Variants in UNC80 observed in about 807,000 individuals in gnomAD.
UNC80 encodes the protein protein unc-80 homolog.
Under a neutral mutation model 384.6 loss-of-function variants are expected in UNC80, and 164 were observed. That is an observed-to-expected ratio of 0.43 (90% confidence interval 0.38 to 0.49). UNC80 has a LOEUF of 0.49. UNC80 is among the 20% of genes least tolerant of loss of function. The probability of loss-of-function intolerance (pLI) is 0.00; values close to 1 mark genes in which losing one functional copy is unlikely to be tolerated. For synonymous variants in UNC80, 1,486 were observed against 1,527.8 expected, an observed-to-expected ratio of 0.97 and a Z score of 0.64; for missense variants, 3,330 against 4,143.0, an observed-to-expected ratio of 0.80 and a Z score of 5.39.
rs1376600844 is a variant in UNC80 at position 209,775,869 on chromosome 2, TTTTG to T, written c.142-16_142-13del. On this transcript the variant is annotated splice_polypyrimidine_tract_variant and intron_variant, in intron 2 of 64. Transcript: ENST00000673920. ...TTTGGATTTTGGCTTTTCTTATTGTTTTTGTTTTTGTATTTACAGTCCTTTGAGC... is the reference window on the plus strand; with the variant it reads ...TTTGGATTTTGGCTTTTCTTATTGTTTTTTTGTATTTACAGTCCTTTGAGC... 6.2e-7 allele frequency: 1 copy of T among 1,605,196 alleles called. No homozygotes were observed. Among genetic ancestry groups the T allele is most frequent in the South Asian group, 1.1e-5 (1 of 90,146 alleles).
rs566928747 is a variant in UNC80 at position 209,850,166 on chromosome 2, GTGC to G, written c.3627+545_3627+547del. 3.9e-3 allele frequency among the ~76,000 whole-genome samples: 594 copies of G among 152,148 alleles called. 2 individuals are homozygous for G. Among genetic ancestry groups the G allele is most frequent in the Non-Finnish European group, 7.1e-3 (483 of 67,962 alleles). On this transcript the variant is annotated intron_variant, in intron 22 of 64. Coordinates refer to ENST00000673920, the MANE Select transcript of UNC80 (RefSeq NM_001371986.1). ...ATTGCACAAACACTTTGAACATTGT[GTGC>G]TATTATACACGTGTAAAGGATTAAA...
Position 209,976,022 on chromosome 2 carries a change from G to A in UNC80, c.8588-97G>A. On this transcript the variant is annotated intron_variant, in intron 56 of 64. Transcript: ENST00000673920. The surrounding 1 kb of genome is among the most constrained non-coding windows in gnomAD (Gnocchi z 4.3). ...AACATGGAGAGAGCTTAGAAATTTA[G>A]AAAATTTCTAAAGGTGCATAAAGGG... 7.6e-7 allele frequency: 1 copy of A among 1,319,842 alleles called. No individual in the cohort carries two copies. Among genetic ancestry groups the A allele is most frequent in the Non-Finnish European group, 1.0e-6 (1 of 989,812 alleles). The allele number at this position is 1,319,842 out of a possible 1,614,324, so 81.8% of individuals were successfully genotyped here.
intron 4 of UNC80, among the ~76,000 whole-genome samples, chr2:209,780,701 G>A (rs1469363114): frequency 6.6e-6 from 1 of 152,188 alleles, no homozygotes; most frequent in South Asian, 2.1e-4. Context: ...ACAGGTGGGT[G>A]TGTGGGAGGG....
intron 23 of UNC80, among the ~76,000 whole-genome samples, chr2:209,874,854 CT>C (rs935641006): frequency 2.0e-5 from 3 of 152,120 alleles, no homozygotes; most frequent in Non-Finnish European, 4.4e-5. Context: ...AAATAAAACC[CT>C]TCTCCTCAAG....
intron 56 of UNC80, 38 bp downstream of exon 56, chr2:209,973,308 G>A: frequency 6.6e-7 from 1 of 1,514,710 alleles, no homozygotes; most frequent in Non-Finnish European, 9.0e-7. Flanking sequence ...GTTTGTGCAT[G>A]TGTATGTATA....
At chr2:209,868,891 G>T (rs997528977) in intron 22 of UNC80, among the ~76,000 whole-genome samples, 1 of 152,128 alleles carries the variant, frequency 6.6e-6, no homozygotes, top group Non-Finnish European at 1.5e-5. Context: ...TGGAAACTAC[G>T]AAGTTATAAT....
intron 42 of UNC80, among the ~76,000 whole-genome samples, chr2:209,939,067 C>T (rs559514910): frequency 7.2e-5 from 11 of 152,006 alleles, no homozygotes; most frequent in South Asian, 2.1e-4. Context: ...AAGACAAACC[C>T]GGAACTCCCA....
In UNC80 at chr2:209,834,920, C is replaced by T. The variant is rs776433985; in HGVS notation, c.2951C>T (p.Ala984Val). The change falls in exon 18 of 65, where the codon GCG becomes GTG. Residue 984 changes from alanine (A) to valine (V), a missense_variant. Transcript: ENST00000673920. ...SKPAGSKRSE[A>V]GSIVDKGQVS... ...ATGCACCATTTGCATAGGTCAGAGG[C>T]GGGAAGCATTGTGGATAAAGGCCAG... is the stretch of plus-strand genomic sequence containing the variant. The T allele has an allele frequency of 4.2e-5, 65 of 1,549,344 alleles. 1 individual carries two copies. In the South Asian group the frequency reaches 4.4e-4, roughly 10 times the overall value.
intron 29 of UNC80, among the ~76,000 whole-genome samples, chr2:209,907,572 G>A (rs1275241518): frequency 6.6e-6 from 1 of 152,168 alleles, no homozygotes; most frequent in South Asian, 2.1e-4. Context: ...AGCGAGAAGA[G>A]GTGAGTATGA....
At chr2:209,915,108 G>A (rs1260448264) in intron 31 of UNC80, among the ~76,000 whole-genome samples, 1 of 151,616 alleles carries the variant, frequency 6.6e-6, no homozygotes, top group African/African-American at 2.4e-5. Flanking sequence ...GGTGGACGGG[G>A]CTTTAAAGAA....
At chr2:209,913,267 A>G (rs1454100466) in intron 30 of UNC80, among the ~76,000 whole-genome samples, 1 of 152,228 alleles carries the variant, frequency 6.6e-6, no homozygotes, top group Non-Finnish European at 1.5e-5. Context: ...TGACTTGTCT[A>G]GAACCTATAT....
At chr2:209,808,977 C>A in intron 7 of UNC80, 1 of 323,386 alleles carries the variant, frequency 3.1e-6, no homozygotes, top group South Asian at 2.7e-5. Context: ...TCCTGGCGCT[C>A]CAAGCACAAC....
intron 7 of UNC80, chr2:209,808,740 G>T: frequency 6.4e-5 from 3 of 46,730 alleles, no homozygotes; most frequent in Non-Finnish European, 1.1e-4. Flanking sequence ...CCAAGGCTCG[G>T]CCTAGTGAGT....
At chr2:209,975,984 C>T (rs1028313496) in intron 56 of UNC80, 135 bp from the exon 57 acceptor site, 22 of 917,896 alleles carry the variant, frequency 2.4e-5, no homozygotes, top group Admixed American at 1.2e-4. Flanking sequence ...GGAATACATA[C>T]GAAGTTTTTA....
chr2:209,946,503 G>GC (rs1233570600), intron 47 of UNC80, among the ~76,000 whole-genome samples: 9 of 152,190 alleles, frequency 5.9e-5, no homozygotes, highest in Non-Finnish European at 1.3e-4. Flanking sequence ...TTGTGCAGAT[G>GC]CTAAGGTATT....
chr2:209,866,848 C>CG (rs2083874102), intron 22 of UNC80, among the ~76,000 whole-genome samples: 1 of 152,158 alleles, frequency 6.6e-6, no homozygotes, highest in Non-Finnish European at 1.5e-5. Flanking sequence ...TTGTGAACTT[C>CG]ATTCTGTACT....
chr2:209,872,090 C>T lies in UNC80; in HGVS notation c.3628-668C>T, dbSNP rs1436756981. Among the ~76,000 whole-genome samples, 1 of 152,092 alleles carries T rather than the reference C, an allele frequency of 6.6e-6. No homozygotes were observed. The highest frequency in any genetic ancestry group is 2.4e-5 in the African/African-American group (1 of 41,420). ...CGATCTCAGCTAACTGCAACTTACACCTCCCAGGTTCAAGCCTCAGCCTCC... is the reference window on the plus strand; with the variant it reads ...CGATCTCAGCTAACTGCAACTTACATCTCCCAGGTTCAAGCCTCAGCCTCC... On this transcript the variant is annotated intron_variant, in intron 22 of 64. Transcript: ENST00000673920. This position sits in a 1 kb window ranked among gnomAD's most constrained non-coding sequence, Gnocchi z 4.1.
intron 31 of UNC80, 35 bp from the exon 32 acceptor site, chr2:209,917,742 A>G (rs762263313): frequency 1.7e-5 from 26 of 1,549,082 alleles, no homozygotes; most frequent in African/African-American, 1.4e-5. Flanking sequence ...GCAATATTTT[A>G]AAAGCATAGC....
At chr2:209,930,728 G>A (rs1178040676) in intron 37 of UNC80, among the ~76,000 whole-genome samples, 1 of 152,146 alleles carries the variant, frequency 6.6e-6, no homozygotes, top group Non-Finnish European at 1.5e-5. Context: ...AAAGAACAAA[G>A]TCGTTTACTG....
Sources: allele counts gnomAD v4.1 joint callset (sites outside exome capture counted in the v4.1 genomes callset), GRCh38; gene constraint gnomAD v4.1.1; non-coding constraint Gnocchi (gnomAD v3.1); transcripts MANE v1.5; gene names NCBI Gene and HGNC (gene_info 2026-07-23, HGNC 2026-07-21).